The following GPN2 variants were observed in gnomAD, a reference collection of about 807,000 sequenced individuals.
GPN2 encodes ATP-binding domain 1 family member B.
Under a neutral mutation model 30.1 loss-of-function variants are expected in GPN2, and 27 were observed. That is an observed-to-expected ratio of 0.90 (90% CI 0.66 to 1.24). The LOEUF is 1.24. GPN2 is among the 50% of genes most tolerant of loss of function. The pLI is 0.00. For missense variants in GPN2, 406 were observed against 405.4 expected, an observed-to-expected ratio of 1.00 and a Z score of -0.01; for synonymous variants, 212 against 174.4, an observed-to-expected ratio of 1.22 and a Z score of -1.70.
Position 26,890,257 on chromosome 1 carries a change from A to C in GPN2, c.-161T>G, listed in dbSNP as rs917900802. On this transcript the variant is annotated 5_prime_UTR_variant, in exon 1 of 5. Transcript: ENST00000374135. ...AGCTGAGACCGTGTCGCGCAAAAGGAGATAACAGGCCGATACTAACTAGAC... is the reference window on the plus strand; with the variant it reads ...AGCTGAGACCGTGTCGCGCAAAAGGCGATAACAGGCCGATACTAACTAGAC... 7.9e-6 allele frequency: 5 copies of C among 632,336 alleles called. No homozygotes were observed. The highest frequency in any genetic ancestry group is 6.4e-5 in the Admixed American group (2 of 31,488). The allele number at this position is 632,336 out of a possible 1,614,324, so 39.2% of individuals were successfully genotyped here. A position where few individuals can be genotyped will look rare whatever the true frequency, so the allele number is the denominator to read the frequency against.
intron 4 of GPN2, among the ~76,000 whole-genome samples, chr1:26,883,300 A>T (rs540579723): frequency 1.3e-5 from 2 of 148,850 alleles, no homozygotes; most frequent in Admixed American, 1.3e-4. Context: ...TCCTCTTCAC[A>T]TGCAACACAC....
In GPN2 at chr1:26,889,087, T is replaced by G. The variant is rs767953675; in HGVS notation, c.450A>C (p.Thr150=). The G allele has an allele frequency of 7.0e-5, 113 of 1,613,982 alleles. No individual in the cohort carries two copies. The highest frequency in any genetic ancestry group is 5.0e-4 in the Middle Eastern group (3 of 6,044). Residue 150 remains threonine, a synonymous_variant, in exon 2 of 5, where the codon ACA becomes ACC. Coordinates refer to ENST00000374135, the MANE Select transcript of GPN2 (RefSeq NM_018066.4). ...AVHLVDSHYC[T]DPAKFISVLC... ...GTACTGAAATGAACTTGGCAGGGTCTGTGCAGTAGTGAGAATCCACGAGGT... is the reference window on the plus strand; with the variant it reads ...GTACTGAAATGAACTTGGCAGGGTCGGTGCAGTAGTGAGAATCCACGAGGT...
rs752247921 is a variant in GPN2 at position 26,886,014 on chromosome 1, C to T, written c.688G>A (p.Glu230Lys). 6 of 1,613,638 alleles carry T rather than the reference C, an allele frequency of 3.7e-6. No homozygotes were observed. The highest frequency in any genetic ancestry group is 1.3e-5 in the African/African-American group (1 of 74,980). Reference sequence around the variant, plus strand: ...ATAAAGGAGACAAGGCTATAGTCTTCGATGAGCTGCACTAGCTTCTCATTG... The same window carrying T: ...ATAAAGGAGACAAGGCTATAGTCTTTGATGAGCTGCACTAGCTTCTCATTG... ...QLNEKLVQLIEDYSLVSFIPL... is the reference protein window; with the variant it reads ...QLNEKLVQLIKDYSLVSFIPL... The change falls in exon 3 of 5, where the codon GAA becomes AAA. Residue 230 changes from glutamate to lysine, a missense_variant. Glu to Lys is a moderately conservative substitution (Grantham distance 56, BLOSUM62 1). Coordinates refer to ENST00000374135, the MANE Select transcript of GPN2 (RefSeq NM_018066.4).
chr1:26,889,817 A>AGTCCAGGTTGGC lies in GPN2; in HGVS notation c.268_279dup (p.Ala90_Asp93dup), dbSNP rs1553160519. ...AGGGGGTCGAGCTTGGCACGCAGCC[A>AGTCCAGGTTGGC]GTCCAGGTTGGCTTCCAGGTACTCC... On this transcript the variant is annotated inframe_insertion, in exon 1 of 5. Transcript: ENST00000374135. 6.2e-7 allele frequency: 1 copy of AGTCCAGGTTGGC among 1,613,716 alleles called. No individual in the cohort carries two copies. The highest frequency in any genetic ancestry group is 8.5e-7 in the Non-Finnish European group (1 of 1,180,032).
Position 26,889,819 on chromosome 1 carries a change from T to A in GPN2, c.278A>T (p.Asp93Val). 1 of 1,613,786 alleles carries A rather than the reference T, an allele frequency of 6.2e-7. No homozygotes were observed. Among genetic ancestry groups the A allele is most frequent in the Admixed American group, 1.7e-5 (1 of 60,024 alleles). The change falls in exon 1 of 5, where the codon GAC becomes GTC. Residue 93 changes from aspartate (D) to valine (V), a missense_variant. By Grantham distance (152) the Asp-to-Val change is radical. Coordinates refer to ENST00000374135, the MANE Select transcript of GPN2 (RefSeq NM_018066.4). The stretch of plus-strand genomic sequence containing the variant: ...GGGGTCGAGCTTGGCACGCAGCCAG[T>A]CCAGGTTGGCTTCCAGGTACTCCAT... The part of the protein sequence containing the change: ...YCMEYLEANL[D>V]WLRAKLDPLR...
intron 2 of GPN2, among the ~76,000 whole-genome samples, chr1:26,887,734 TG>T (rs1263551722): frequency 6.6e-6 from 1 of 151,804 alleles, no homozygotes; most frequent in Admixed American, 6.6e-5. Context: ...GCTAATTTTT[TG>T]TATTTTTAGT....
chr1:26,887,782 C>T (rs2081898561), intron 2 of GPN2, among the ~76,000 whole-genome samples: 1 of 151,952 alleles, frequency 6.6e-6, no homozygotes, highest in Non-Finnish European at 1.5e-5. Flanking sequence ...AGGATGTTCT[C>T]AAGCTCCTGA....
Position 26,884,205 on chromosome 1 carries a change from T to A in GPN2, c.815A>T (p.Glu272Val). Reference sequence around the variant, plus strand: ...TCCCATTGCGGCAGACATCATGGCTTCCAAGCTTCGCTGCTCTTGGGCTCT... The same window carrying A: ...TCCCATTGCGGCAGACATCATGGCTACCAAGCTTCGCTGCTCTTGGGCTCT... ...CFRAQEQRSL[E>V]AMMSAAMGAD... Residue 272 changes from glutamate to valine, a missense_variant, in exon 4 of 5, where the codon GAA becomes GTA. Transcript: ENST00000374135. 6.2e-7 allele frequency: 1 copy of A among 1,614,036 alleles called. No individual in the cohort carries two copies. Among genetic ancestry groups the A allele is most frequent in the East Asian group, 2.2e-5 (1 of 44,882 alleles).
chr1:26,882,804 T>C (rs964907772), intron 4 of GPN2, among the ~76,000 whole-genome samples: 1 of 152,198 alleles, frequency 6.6e-6, no homozygotes, highest in Non-Finnish European at 1.5e-5. Flanking sequence ...GCTCTGGATG[T>C]CCCATGGACC....
At position 26,889,956 on chromosome 1, in the gene GPN2, C is replaced by T. The variant is rs2081912516; in HGVS notation, c.141G>A (p.Pro47=). The change falls in exon 1 of 5, where the codon CCG becomes CCA. Residue 47 remains proline, a synonymous_variant. Coordinates refer to ENST00000374135, the MANE Select transcript of GPN2 (RefSeq NM_018066.4). ...ACTCGTACGGCAGCCCCTCGTTGGC[C>T]GGGTCCAGGTTCACCACCGCCACGC... ...GRRVAVVNLD[P]ANEGLPYECA... is the part of the protein sequence containing the mutation. The T allele has an allele frequency of 3.1e-6, 5 of 1,606,462 alleles. No individual in the cohort carries two copies. The highest frequency in any genetic ancestry group is 4.2e-6 in the Non-Finnish European group (5 of 1,179,240).
rs2124009771 is a variant in GPN2 at position 26,890,105 on chromosome 1, C to T, written c.-9G>A. 2 of 1,513,134 alleles carry T rather than the reference C, an allele frequency of 1.3e-6. No homozygotes were observed. Among genetic ancestry groups the T allele is most frequent in the Non-Finnish European group, 1.8e-6 (2 of 1,137,984 alleles). 93.7% of individuals were successfully genotyped at this position (1,513,134 alleles called of 1,614,324 possible). A position where few individuals can be genotyped will look rare whatever the true frequency, so the allele number is the denominator to read the frequency against. ...GGAGCGGCCCCTGCCATTGGCGGCC[C>T]GCGGCCCGGAGCAGGTCAACTCACA... On this transcript the variant is annotated 5_prime_UTR_variant, in exon 1 of 5. Coordinates refer to ENST00000374135, the MANE Select transcript of GPN2 (RefSeq NM_018066.4).
Position 26,889,114 on chromosome 1 carries a change from G to T in GPN2, c.423C>A (p.Val141=). 6.2e-7 allele frequency: 1 copy of T among 1,613,580 alleles called. No individual in the cohort carries two copies. The highest frequency in any genetic ancestry group is 8.5e-7 in the Non-Finnish European group (1 of 1,179,592). Residue 141 remains valine (V), a synonymous_variant, in exon 2 of 5, where the codon GTC becomes GTA. Coordinates refer to ENST00000374135, the MANE Select transcript of GPN2 (RefSeq NM_018066.4). ...TGCAGTAGTGAGAATCCACGAGGTGGACGGCAGTCAGCTGGGAGGGAATAG... is the reference window on the plus strand; with the variant it reads ...TGCAGTAGTGAGAATCCACGAGGTGTACGGCAGTCAGCTGGGAGGGAATAG... ...MAQWDLRLTA[V]HLVDSHYCTD... is the part of the protein sequence containing the mutation.
rs1051873637 is a variant in GPN2 at position 26,876,985 on chromosome 1, C to T, written c.*2692G>A. On this transcript the variant is annotated 3_prime_UTR_variant, in exon 5 of 5. Transcript: ENST00000374135. ...AAGCATCAAAACCCACGACCACAGC[C>T]GTTGGTACTGCTTTCAAAAGCATAG... 6.6e-6 allele frequency: 1 copy of T among 152,010 alleles called. No homozygotes were observed. Among genetic ancestry groups the T allele is most frequent in the African/African-American group, 2.4e-5 (1 of 41,362 alleles). 9.4% of individuals were successfully genotyped at this position (152,010 alleles called of 1,614,324 possible).
At chr1:26,884,108 T>G in intron 4 of GPN2, 52 bp downstream of exon 4, 1 of 1,535,278 alleles carries the variant, frequency 6.5e-7, no homozygotes. Flanking sequence ...TGGCCATTCT[T>G]GAGTCCCATG....
In GPN2 at chr1:26,890,177, G is replaced by C; in HGVS notation, c.-81C>G. 8.0e-7 allele frequency: 1 copy of C among 1,247,746 alleles called. No homozygotes were observed. 77.3% of individuals were successfully genotyped at this position (1,247,746 alleles called of 1,614,324 possible). On this transcript the variant is annotated 5_prime_UTR_variant, in exon 1 of 5. Coordinates refer to ENST00000374135, the MANE Select transcript of GPN2 (RefSeq NM_018066.4). ...GCGCCGGAGACGAGACTGAGGGCGA[G>C]GGTCCCAGTACGTATACCTCGTTGG...
Position 26,890,019 on chromosome 1 carries a change from G to A in GPN2, c.78C>T (p.Cys26=). ...GPPGSGKTTY[C]LGMSEFLRAL... The stretch of plus-strand genomic sequence containing the variant: ...CGCGCAGGAACTCACTCATGCCCAG[G>A]CAGTACGTGGTCTTCCCTGAGCCCG... Residue 26 remains cysteine, a synonymous_variant, in exon 1 of 5, where the codon TGC becomes TGT. Transcript: ENST00000374135. The A allele has an allele frequency of 6.3e-7, 1 of 1,598,592 alleles. No individual in the cohort carries two copies. The highest frequency in any genetic ancestry group is 8.5e-7 in the Non-Finnish European group (1 of 1,178,936).
Position 26,876,966 on chromosome 1 carries a change from C to T in GPN2, c.*2711G>A, listed in dbSNP as rs1177856318. On this transcript the variant is annotated 3_prime_UTR_variant, in exon 5 of 5. Coordinates refer to ENST00000374135, the MANE Select transcript of GPN2 (RefSeq NM_018066.4). ...TGGGGCCTCTGTGAGTGGCAAGCAT[C>T]AAAACCCACGACCACAGCCGTTGGT... 6.6e-6 allele frequency: 1 copy of T among 151,896 alleles called. No homozygotes were observed. The highest frequency in any genetic ancestry group is 2.4e-5 in the African/African-American group (1 of 41,304). The allele number at this position is 151,896 out of a possible 1,614,324, so 9.4% of individuals were successfully genotyped here.
At chr1:26,883,867 C>A (rs913658054) in intron 4 of GPN2, among the ~76,000 whole-genome samples, 1 of 151,760 alleles carries the variant, frequency 6.6e-6, no homozygotes, top group African/African-American at 2.4e-5. Context: ...AGTGAAACCC[C>A]GTCTCTACTA....
chr1:26,886,552 C>A, intron 2 of GPN2: 1 of 432,168 alleles, frequency 2.3e-6, no homozygotes. Context: ...AGGCCAGGTG[C>A]GGTGGCTCAA....
Sources: allele counts gnomAD v4.1 joint callset (sites outside exome capture counted in the v4.1 genomes callset), GRCh38; gene constraint gnomAD v4.1.1; transcripts MANE v1.5; gene names NCBI Gene and HGNC (gene_info 2026-07-23, HGNC 2026-07-21).